SPAG1: variants seen among roughly 807,000 people sequenced by gnomAD.
The protein encoded by SPAG1 is sperm associated antigen 1.
SPAG1 carries 69 observed loss-of-function variants against 100.5 expected under a neutral mutation model. That is an observed-to-expected ratio of 0.69 (90% confidence interval 0.57 to 0.84). The LOEUF is 0.84. Among genes scored for constraint, SPAG1 ranks in the 40% least tolerant of loss-of-function variants. The probability of loss-of-function intolerance (pLI) is 0.00; values close to 1 mark genes in which losing one functional copy is unlikely to be tolerated. For synonymous variants in SPAG1, 336 were observed against 411.6 expected (o/e 0.82, Z 2.22); for missense variants, 955 against 1,133.1 (o/e 0.84, Z 2.26).
chr8:100,204,218 C>T (rs1223936687), intron 10 of SPAG1, among the ~76,000 whole-genome samples: 1 of 152,118 alleles, frequency 6.6e-6, no homozygotes, highest in South Asian at 2.1e-4. Flanking sequence ...GAAGCCACCC[C>T]CAACAACCTT....
chr8:100,176,862 C>T (rs1427104311), intron 3 of SPAG1, among the ~76,000 whole-genome samples: 4 of 108,142 alleles, frequency 3.7e-5, no homozygotes, highest in Non-Finnish European at 5.9e-5. Context: ...TCCCTCTCCC[C>T]TTCCCCATAC....
At chr8:100,208,377 A>G (rs1353110062) in intron 10 of SPAG1, among the ~76,000 whole-genome samples, 1 of 152,190 alleles carries the variant, frequency 6.6e-6, no homozygotes, top group Non-Finnish European at 1.5e-5. Flanking sequence ...TCTTAGTATT[A>G]CCATGCCCTC....
intron 18 of SPAG1, 28 bp from the exon 19 acceptor site, chr8:100,240,863 T>TG: frequency 6.4e-7 from 1 of 1,569,082 alleles, no homozygotes; most frequent in Non-Finnish European, 8.6e-7. Context: ...GTTGGTTTTT[T>TG]GTTTTTTTTT....
intron 13 of SPAG1, among the ~76,000 whole-genome samples, chr8:100,221,744 A>G (rs1466485017): frequency 6.6e-6 from 1 of 152,182 alleles, no homozygotes; most frequent in Non-Finnish European, 1.5e-5. Context: ...TTGCAGAGAG[A>G]GCACTTGAAG....
intron 2 of SPAG1, among the ~76,000 whole-genome samples, chr8:100,164,525 A>G (rs1392883353): frequency 6.6e-6 from 1 of 152,114 alleles, no homozygotes; most frequent in Non-Finnish European, 1.5e-5. Context: ...CCCAGGTTCA[A>G]GTGATTCTCC....
At chr8:100,187,075 G>A in intron 7 of SPAG1, 45 bp from the exon 8 acceptor site, 1 of 1,568,548 alleles carries the variant, frequency 6.4e-7, no homozygotes, top group African/African-American at 1.4e-5. Flanking sequence ...ACATTCTTAT[G>A]TTTACCTTAG....
At chr8:100,199,747 T>C (rs1157814780) in intron 10 of SPAG1, among the ~76,000 whole-genome samples, 1 of 152,146 alleles carries the variant, frequency 6.6e-6, no homozygotes, top group Admixed American at 6.5e-5. Flanking sequence ...GCGCTCAGCC[T>C]CTTTGCCCAT....
intron 12 of SPAG1, among the ~76,000 whole-genome samples, chr8:100,216,537 G>A (rs1817993622): frequency 6.6e-6 from 1 of 152,202 alleles, no homozygotes; most frequent in African/African-American, 2.4e-5. Flanking sequence ...GGCAGGAGAT[G>A]GCTCACCAGA....
At chr8:100,226,278 T>C (rs558939206) in intron 14 of SPAG1, among the ~76,000 whole-genome samples, 1 of 152,300 alleles carries the variant, frequency 6.6e-6, no homozygotes, top group East Asian at 1.9e-4. Flanking sequence ...ATTATAGGCA[T>C]GAGCCACCAT....
At chr8:100,163,049 T>C (rs1815387999) in intron 2 of SPAG1, among the ~76,000 whole-genome samples, 2 of 152,164 alleles carry the variant, frequency 1.3e-5, no homozygotes, top group South Asian at 4.1e-4. Flanking sequence ...TCCCACTTCA[T>C]ATCACCTGAC....
chr8:100,190,908 G>C (rs1480642626), intron 8 of SPAG1, among the ~76,000 whole-genome samples: 1 of 151,872 alleles, frequency 6.6e-6, no homozygotes, highest in African/African-American at 2.4e-5. Context: ...GGCCTCAAGT[G>C]ATCTGCCCAC....
intron 3 of SPAG1, among the ~76,000 whole-genome samples, chr8:100,170,815 T>TTATA (rs1423523924): frequency 6.8e-6 from 1 of 146,820 alleles, no homozygotes; most frequent in African/African-American, 2.6e-5. Context: ...ATTTATTTAT[T>TTATA]TATTTATTTA....
At position 100,225,162 on chromosome 8, in the gene SPAG1, T is replaced by A; in HGVS notation, c.1689-11T>A. Reference sequence around the variant, plus strand: ...TAAATGATCAACAGAGAAAATTCACTTTCTCTTTAGGCTATCAAGAATTTT... The same window carrying A: ...TAAATGATCAACAGAGAAAATTCACATTCTCTTTAGGCTATCAAGAATTTT... On this transcript the variant is annotated splice_polypyrimidine_tract_variant and intron_variant, in intron 13 of 18. Transcript: ENST00000388798. The A allele has an allele frequency of 3.1e-6, 5 of 1,592,796 alleles. 1 individual carries two copies. The South Asian group carries it at 4.5e-5, about 14-fold the overall frequency.
chr8:100,230,932 T>C (rs962067374), intron 14 of SPAG1, among the ~76,000 whole-genome samples: 1 of 152,200 alleles, frequency 6.6e-6, no homozygotes, highest in Admixed American at 6.5e-5. Flanking sequence ...TTGTATCTTA[T>C]TTTCTAATTA....
At chr8:100,211,119 C>A (rs2132343747) in intron 10 of SPAG1, among the ~76,000 whole-genome samples, 1 of 152,168 alleles carries the variant, frequency 6.6e-6, no homozygotes, top group Non-Finnish European at 1.5e-5. Context: ...AGCCACCGTG[C>A]CCGGCCCCAA....
rs139329487 is a variant in SPAG1, at chr8:100,187,216, A to C, written c.798A>C (p.Glu266Asp). The change falls in exon 8 of 19, where the codon GAA becomes GAC. Residue 266 changes from glutamate (E) to aspartate (D), a missense_variant. Transcript: ENST00000388798. The stretch of plus-strand genomic sequence containing the variant: ...GGAATAGTGCTTTTCAGGATTGTGA[A>C]AAGGTCTTGGAGTTAGAACCTGGAA... ...QNWNSAFQDC[E>D]KVLELEPGNV... 8 of 1,612,908 alleles carry C rather than the reference A, an allele frequency of 5.0e-6. No individual in the cohort carries two copies. The highest frequency in any genetic ancestry group is 6.8e-6 in the Non-Finnish European group (8 of 1,179,232).
intron 3 of SPAG1, among the ~76,000 whole-genome samples, chr8:100,169,529 G>A (rs567439607): frequency 1.1e-4 from 17 of 152,198 alleles, no homozygotes; most frequent in African/African-American, 2.6e-4. Context: ...ACTTGAGGTC[G>A]GGAGTTCAAG....
In SPAG1 at chr8:100,240,421, G is replaced by A; in HGVS notation, c.2299G>A (p.Glu767Lys). ...CATGAAGGTGAATGAAGGCAAGGAGGAGCCTGGAAGACCTGCAGGGGAGGT... is the reference window on the plus strand; with the variant it reads ...CATGAAGGTGAATGAAGGCAAGGAGAAGCCTGGAAGACCTGCAGGGGAGGT... ...EIQEVNEGKE[E>K]PGRPAGEVSM... is the part of the protein sequence containing the mutation. The change falls in exon 18 of 19, where the codon GAG becomes AAG. Residue 767 changes from glutamate (E) to lysine (K), a missense_variant. Coordinates refer to ENST00000388798, the MANE Select transcript of SPAG1 (RefSeq NM_003114.5). 6.3e-7 allele frequency: 1 copy of A among 1,598,064 alleles called. No homozygotes were observed. Among genetic ancestry groups the A allele is most frequent in the Non-Finnish European group, 8.5e-7 (1 of 1,175,378 alleles).
At chr8:100,206,157 G>A (rs1563795416) in intron 10 of SPAG1, among the ~76,000 whole-genome samples, 1 of 149,874 alleles carries the variant, frequency 6.7e-6, no homozygotes, top group South Asian at 2.2e-4. Context: ...GTGGATTATT[G>A]TAAGCTTAAC....
Sources: gnomAD v4.1 joint callset for allele counts (sites outside exome capture counted in the v4.1 genomes callset) on GRCh38, gnomAD v4.1.1 for gene constraint, MANE v1.5 for transcripts, NCBI Gene and HGNC (gene_info 2026-07-23, HGNC 2026-07-21) for gene names.